Variants in SNTG2 observed in about 807,000 individuals in gnomAD.
The protein encoded by SNTG2 is syntrophin gamma 2.
In SNTG2, 74 loss-of-function variants were observed where a neutral mutation model predicts 70.9. The observed-to-expected ratio is 1.04, with a 90% CI of 0.86 to 1.27. SNTG2 has a LOEUF of 1.27. Among genes scored for constraint, SNTG2 ranks in the 50% most tolerant of loss-of-function variants. The pLI, the probability that SNTG2 is intolerant of heterozygous loss-of-function variation, is 0.00. For missense variants in SNTG2, 717 were observed against 690.7 expected (o/e 1.04, Z -0.43); for synonymous variants, 278 against 273.8 (o/e 1.02, Z -0.15).
At chr2:985,723 A>C (rs1661283427) in intron 1 of SNTG2, among the ~76,000 whole-genome samples, 1 of 152,096 alleles carries the variant, frequency 6.6e-6, no homozygotes, top group Non-Finnish European at 1.5e-5. Context: ...CCGTCTTCTG[A>C]TAGGACCGTC....
At chr2:1,188,615 A>G (rs1163790467) in intron 8 of SNTG2, among the ~76,000 whole-genome samples, 2 of 152,110 alleles carry the variant, frequency 1.3e-5, no homozygotes, top group African/African-American at 2.4e-5. Flanking sequence ...TTAAACATAG[A>G]AAGGATAATT....
chr2:1,084,105 T>G (rs928638068), intron 2 of SNTG2, among the ~76,000 whole-genome samples: 1 of 152,178 alleles, frequency 6.6e-6, no homozygotes, highest in Non-Finnish European at 1.5e-5. Context: ...TGTGGAATGT[T>G]TTCAGTGTGT....
chr2:1,355,650 G>A (rs1296136415), intron 16 of SNTG2, among the ~76,000 whole-genome samples: 1 of 152,194 alleles, frequency 6.6e-6, no homozygotes, highest in Non-Finnish European at 1.5e-5. Context: ...ATGAACAGGG[G>A]AGTGCAGGTC....
chr2:1,003,847 A>G (rs1192390016), intron 1 of SNTG2, among the ~76,000 whole-genome samples: 1 of 152,204 alleles, frequency 6.6e-6, no homozygotes, highest in South Asian at 2.1e-4. Context: ...TTGAAACATC[A>G]TATTTTCTTT....
rs35391780 is a variant in SNTG2, at chr2:1,320,534, CAA to C, written c.1488+4176_1488+4177del. Among the ~76,000 whole-genome samples the C allele has an allele frequency of 9.9e-3, 889 of 89,384 alleles. 3 individuals are homozygous for C. The highest frequency in any genetic ancestry group is 0.031 in the African/African-American group (750 of 24,414). The allele number at this position is 89,384 out of a possible 152,430, so 58.6% of individuals were successfully genotyped here. A position where few individuals can be genotyped will look rare whatever the true frequency, so the allele number is the denominator to read the frequency against. On this transcript the variant is annotated intron_variant, in intron 16 of 16. Transcript: ENST00000308624. ...TGAGTGACAGAGCGAGACTCCTTCTCAAAAAAAAAAAAAAAAAAGAAAGAAAA... is the reference window on the plus strand; with the variant it reads ...TGAGTGACAGAGCGAGACTCCTTCTCAAAAAAAAAAAAAAAAGAAAGAAAA...
In SNTG2 at chr2:1,172,497, A is replaced by G. The variant is rs1671190951; in HGVS notation, c.500-595A>G. Among the ~76,000 whole-genome samples, 3 of 152,214 alleles carry G rather than the reference A, an allele frequency of 2.0e-5. No individual in the cohort carries two copies. The South Asian group carries it at 6.2e-4, about 32-fold the overall frequency. ...CCCTGAGCTGTTCCCAGGACCTTGG[A>G]AACGGCATGAAAGTGCTCTATGTCC... On this transcript the variant is annotated intron_variant, in intron 7 of 16. Coordinates refer to ENST00000308624, the MANE Select transcript of SNTG2 (RefSeq NM_018968.4).
chr2:1,317,070 G>T (rs1681318775), intron 16 of SNTG2, among the ~76,000 whole-genome samples: 1 of 95,588 alleles, frequency 1.0e-5, no homozygotes, highest in African/African-American at 3.7e-5. Context: ...ATTGGAGAAG[G>T]TTGGGATTCT....
chr2:1,186,494 T>C (rs1672260112), intron 8 of SNTG2, among the ~76,000 whole-genome samples: 1 of 152,170 alleles, frequency 6.6e-6, no homozygotes, highest in Non-Finnish European at 1.5e-5. Flanking sequence ...GGGTAATTTA[T>C]CAAGAAAAGG....
intron 11 of SNTG2, among the ~76,000 whole-genome samples, chr2:1,240,591 G>A (rs28669900): frequency 0.32 from 48,428 of 152,058 alleles, 9,243 homozygotes; most frequent in African/African-American, 0.54. Flanking sequence ...AAACATGTTC[G>A]CTTTGCTTTA....
chr2:1,329,387 T>C (rs757832646), intron 16 of SNTG2, among the ~76,000 whole-genome samples: 1 of 152,114 alleles, frequency 6.6e-6, no homozygotes, highest in Non-Finnish European at 1.5e-5. Flanking sequence ...ACTTAAGAAG[T>C]TCTCCCTGGC....
intron 2 of SNTG2, among the ~76,000 whole-genome samples, chr2:1,093,324 A>G (rs771082409): frequency 3.9e-5 from 6 of 152,186 alleles, no homozygotes; most frequent in Non-Finnish European, 7.3e-5. Flanking sequence ...ACAGAGCACT[A>G]TGGAAATGCT....
At chr2:1,202,927 G>A (rs28489745) in intron 8 of SNTG2, among the ~76,000 whole-genome samples, 1 of 151,756 alleles carries the variant, frequency 6.6e-6, no homozygotes, top group African/African-American at 2.4e-5. Context: ...CCAAAAACTG[G>A]CAGAGATGGG....
At chr2:984,497 C>G (rs1661240274) in intron 1 of SNTG2, among the ~76,000 whole-genome samples, 2 of 152,116 alleles carry the variant, frequency 1.3e-5, no homozygotes, top group Non-Finnish European at 2.9e-5. Flanking sequence ...CTTCCTTGCT[C>G]TCTGCTAAAT....
rs754851792 is a variant in SNTG2, at chr2:1,308,555, T to A, written c.1346T>A (p.Leu449Ter). 1 of 1,551,674 alleles carries A rather than the reference T, an allele frequency of 6.4e-7. No individual in the cohort carries two copies. Among genetic ancestry groups the A allele is most frequent in the East Asian group, 2.4e-5 (1 of 40,910 alleles). The change falls in exon 15 of 17, where the codon TTG (leucine) becomes TAG (stop). Residue 449 changes from leucine to a stop codon, truncating the protein, a stop_gained. Transcript: ENST00000308624. LOFTEE classifies it high-confidence loss of function. ...EMLCFTVDFA[L>*]GFTCFESKTK... is the part of the protein sequence containing the mutation. Reference sequence around the variant, plus strand: ...CTGTGTTTCACGGTGGATTTCGCGTTGGGATTTACCTGTTTTGAGAGTAAG... The same window carrying A: ...CTGTGTTTCACGGTGGATTTCGCGTAGGGATTTACCTGTTTTGAGAGTAAG...
chr2:952,946 T>G (rs912515945), intron 1 of SNTG2, among the ~76,000 whole-genome samples: 97 of 151,746 alleles, frequency 6.4e-4, no homozygotes, highest in African/African-American at 2.2e-3. Flanking sequence ...ATTCAACTTG[T>G]GTAATTATTT....
chr2:1,037,902 G>A (rs1019115703), intron 1 of SNTG2, among the ~76,000 whole-genome samples: 1 of 152,136 alleles, frequency 6.6e-6, no homozygotes, highest in East Asian at 1.9e-4. Context: ...GGCTGTGGAC[G>A]GTGGTGTTCA....
At chr2:957,009 G>A (rs572119383) in intron 1 of SNTG2, among the ~76,000 whole-genome samples, 2 of 152,264 alleles carry the variant, frequency 1.3e-5, no homozygotes, top group Admixed American at 1.3e-4. Context: ...TGACTTCTCT[G>A]CAGATAATTA....
intron 1 of SNTG2, among the ~76,000 whole-genome samples, chr2:1,007,315 G>A (rs764111000): frequency 1.2e-4 from 18 of 152,136 alleles, no homozygotes; most frequent in Non-Finnish European, 1.9e-4. Context: ...CATAAATCAC[G>A]TCTCTAAACT....
intron 16 of SNTG2, among the ~76,000 whole-genome samples, chr2:1,359,478 G>A (rs1661027140): frequency 6.6e-6 from 1 of 151,960 alleles, no homozygotes; most frequent in Non-Finnish European, 1.5e-5. Flanking sequence ...TTTCTATTTT[G>A]TCTAAGTACA....
Sources: allele counts gnomAD v4.1 joint callset (sites outside exome capture counted in the v4.1 genomes callset), GRCh38; gene constraint gnomAD v4.1.1; transcripts MANE v1.5; gene names NCBI Gene and HGNC (gene_info 2026-07-23, HGNC 2026-07-21).